ACTR1A: variants seen among roughly 807,000 people sequenced by gnomAD.
ACTR1A encodes the protein alpha-centractin.
ACTR1A carries 10 observed loss-of-function variants against 50.7 expected under a neutral mutation model. The observed-to-expected ratio is 0.20, with a 90% CI of 0.12 to 0.33. ACTR1A has a LOEUF of 0.33. ACTR1A is among the 10% of genes least tolerant of loss of function. ACTR1A has a pLI of 1.00. For missense variants in ACTR1A, 253 were observed against 491.7 expected (o/e 0.51, Z 4.59); for synonymous variants, 177 against 184.2 (o/e 0.96, Z 0.32).
intron 4 of ACTR1A, among the ~76,000 whole-genome samples, chr10:102,486,314 A>AC (rs2062167840): frequency 6.6e-6 from 1 of 151,680 alleles, no homozygotes. Context: ...GCCACCCCAA[A>AC]CCCCCACCCC....
At position 102,487,847 on chromosome 10, in the gene ACTR1A, G is replaced by C. The variant is rs571067734; in HGVS notation, c.315+303C>G. 1.1e-4 allele frequency among the ~76,000 whole-genome samples: 16 copies of C among 152,074 alleles called. No homozygotes were observed. The South Asian group carries it at 2.3e-3, about 22-fold the overall frequency. ...AGGGTTTCACCGTGTTAGCCAGGAT[G>C]GTCTCGATCTCCTGACCTCGTGATC... On this transcript the variant is annotated intron_variant, in intron 4 of 10. Coordinates refer to ENST00000369905, the MANE Select transcript of ACTR1A (RefSeq NM_005736.4).
chr10:102,486,487 C>G (rs150032145), intron 4 of ACTR1A, among the ~76,000 whole-genome samples: 2,602 of 152,074 alleles, frequency 0.017, 63 homozygotes, highest in African/African-American at 0.059. Context: ...GTCGGGAGTT[C>G]GAGACCAGCC....
chr10:102,492,545 G>A (rs73336642), intron 1 of ACTR1A, among the ~76,000 whole-genome samples: 1 of 152,216 alleles, frequency 6.6e-6, no homozygotes, highest in Admixed American at 6.5e-5. Context: ...GAACACACCT[G>A]GAGACTCTAA....
chr10:102,499,906 AGTCATTCATCCAATCACCCAT>A (rs1240927522), intron 1 of ACTR1A, among the ~76,000 whole-genome samples: 2 of 152,240 alleles, frequency 1.3e-5, no homozygotes, highest in African/African-American at 4.8e-5. Flanking sequence ...AGAGATATTC[AGTCATTCATCCAATCACCCAT>A]CAATCCAATG....
intron 1 of ACTR1A, among the ~76,000 whole-genome samples, chr10:102,497,224 T>C (rs1340042678): frequency 6.7e-6 from 1 of 148,684 alleles, no homozygotes; most frequent in Non-Finnish European, 1.5e-5. Context: ...GGCAGGAATG[T>C]AGTTGAAAAG....
chr10:102,479,418 G>T lies in ACTR1A; in HGVS notation c.*1445C>A. The T allele has an allele frequency of 2.6e-6, 1 of 379,650 alleles. No homozygotes were observed. 23.5% of individuals were successfully genotyped at this position (379,650 alleles called of 1,614,324 possible). On this transcript the variant is annotated 3_prime_UTR_variant, in exon 11 of 11. Coordinates refer to ENST00000369905, the MANE Select transcript of ACTR1A (RefSeq NM_005736.4). This position sits in a 1 kb window ranked among gnomAD's most constrained non-coding sequence, Gnocchi z 4.0. ...CTGCTGTGGCCCACACCTGGCAGGG[G>T]CCTTTGGTCATAGGACGGCGTGGGG...
chr10:102,482,378 C>G lies in ACTR1A; in HGVS notation c.751-203G>C. On this transcript the variant is annotated intron_variant, in intron 7 of 10. Transcript: ENST00000369905. The surrounding 1 kb of genome is among the most constrained non-coding windows in gnomAD (Gnocchi z 5.6). ...TAGTGAGGGGAGGCTCCTATATTTC[C>G]TTCTCGCTCTGGCATTTTCCAGCCA... is the stretch of plus-strand genomic sequence containing the variant. The G allele has an allele frequency of 1.7e-6, 1 of 592,952 alleles. No homozygotes were observed. Among genetic ancestry groups the G allele is most frequent in the South Asian group, 2.1e-5 (1 of 48,202 alleles). 36.7% of individuals were successfully genotyped at this position (592,952 alleles called of 1,614,324 possible).
Position 102,479,769 on chromosome 10 carries a change from C to T in ACTR1A, c.*1094G>A. The T allele has an allele frequency of 1.0e-6, 1 of 991,488 alleles. No homozygotes were observed. Among genetic ancestry groups the T allele is most frequent in the Non-Finnish European group, 1.4e-6 (1 of 740,694 alleles). 61.4% of individuals were successfully genotyped at this position (991,488 alleles called of 1,614,324 possible). A position where few individuals can be genotyped will look rare whatever the true frequency, so the allele number is the denominator to read the frequency against. ...CTCCAGTCTTAAGGGCACTGGCTCT[C>T]CAACACCCCTCCCTTGCTTAGGGGC... On this transcript the variant is annotated 3_prime_UTR_variant, in exon 11 of 11. Coordinates refer to ENST00000369905, the MANE Select transcript of ACTR1A (RefSeq NM_005736.4). This position sits in a 1 kb window ranked among gnomAD's most constrained non-coding sequence, Gnocchi z 4.0.
intron 6 of ACTR1A, 80 bp from the exon 7 acceptor site, chr10:102,483,183 GCTGCACAAAC>G: frequency 9.2e-7 from 1 of 1,087,154 alleles, no homozygotes; most frequent in Non-Finnish European, 1.4e-6. Context: ...GGAATGTGCT[GCTGCACAAAC>G]CTGTCTAAAC....
At position 102,482,706 on chromosome 10, in the gene ACTR1A, C is replaced by T. The variant is rs895154200; in HGVS notation, c.750+305G>A. On this transcript the variant is annotated intron_variant, in intron 7 of 10. Transcript: ENST00000369905. This position sits in a 1 kb window ranked among gnomAD's most constrained non-coding sequence, Gnocchi z 5.6. ...CTGGGGTGTCCAGTCTTTTGGCTTCCCTGGGCCACATTGGAAGAAGAATTG... is the reference window on the plus strand; with the variant it reads ...CTGGGGTGTCCAGTCTTTTGGCTTCTCTGGGCCACATTGGAAGAAGAATTG... 2.5e-5 allele frequency: 9 copies of T among 357,478 alleles called. No individual in the cohort carries two copies. The highest frequency in any genetic ancestry group is 4.6e-5 in the Non-Finnish European group (9 of 194,276). The allele number at this position is 357,478 out of a possible 1,614,324, so 22.1% of individuals were successfully genotyped here.
At chr10:102,483,277 T>C (rs2062152451) in intron 6 of ACTR1A, 174 bp from the exon 7 acceptor site, 5 of 610,466 alleles carry the variant, frequency 8.2e-6, no homozygotes, top group Non-Finnish European at 1.5e-5. Context: ...TGGCCTTCAC[T>C]GGGTGGCATT....
chr10:102,499,150 A>G (rs2062235896), intron 1 of ACTR1A, among the ~76,000 whole-genome samples: 2 of 152,140 alleles, frequency 1.3e-5, no homozygotes, highest in African/African-American at 2.4e-5. Flanking sequence ...TTTTGATTAT[A>G]CTCTTCTGCC....
chr10:102,494,267 C>T (rs535501296), intron 1 of ACTR1A, among the ~76,000 whole-genome samples: 137 of 152,212 alleles, frequency 9.0e-4, no homozygotes, highest in African/African-American at 2.8e-3. Context: ...GGCCGAGGCA[C>T]GCAAATCACT....
In ACTR1A at chr10:102,482,455, C is replaced by A; in HGVS notation, c.751-280G>T. ...TTTATTTGCTCATGGAAACGTCTTCCTAGCAATGGGGGTTCAAGGGAGTGG... is the reference window on the plus strand; with the variant it reads ...TTTATTTGCTCATGGAAACGTCTTCATAGCAATGGGGGTTCAAGGGAGTGG... On this transcript the variant is annotated intron_variant, in intron 7 of 10. Transcript: ENST00000369905. The surrounding 1 kb of genome is among the most constrained non-coding windows in gnomAD (Gnocchi z 5.6). The A allele has an allele frequency of 2.1e-6, 1 of 472,524 alleles. No homozygotes were observed. The highest frequency in any genetic ancestry group is 1.9e-5 in the African/African-American group (1 of 51,308). 29.3% of individuals were successfully genotyped at this position (472,524 alleles called of 1,614,324 possible).
At position 102,480,794 on chromosome 10, in the gene ACTR1A, C is replaced by G; in HGVS notation, c.*69G>C. ...ACACACAGGCAGTTCCTCGCAAACACTCCGACTCAAGAAAGCGAGTTTTAA... is the reference window on the plus strand; with the variant it reads ...ACACACAGGCAGTTCCTCGCAAACAGTCCGACTCAAGAAAGCGAGTTTTAA... On this transcript the variant is annotated 3_prime_UTR_variant, in exon 11 of 11. Transcript: ENST00000369905. 1 of 1,312,928 alleles carries G rather than the reference C, an allele frequency of 7.6e-7. No individual in the cohort carries two copies. Among genetic ancestry groups the G allele is most frequent in the South Asian group, 1.2e-5 (1 of 84,870 alleles). 81.3% of individuals were successfully genotyped at this position (1,312,928 alleles called of 1,614,324 possible).
At chr10:102,494,643 C>A (rs2062211208) in intron 1 of ACTR1A, among the ~76,000 whole-genome samples, 1 of 151,040 alleles carries the variant, frequency 6.6e-6, no homozygotes. Flanking sequence ...TCAAAACCAA[C>A]CAACCAACCA....
intron 1 of ACTR1A, among the ~76,000 whole-genome samples, chr10:102,500,257 A>C (rs2062242007): frequency 6.6e-6 from 1 of 152,090 alleles, no homozygotes; most frequent in Non-Finnish European, 1.5e-5. Flanking sequence ...AATATGGTGA[A>C]ACCCCATCTC....
intron 1 of ACTR1A, among the ~76,000 whole-genome samples, chr10:102,500,743 C>T (rs1288445028): frequency 6.6e-6 from 1 of 151,462 alleles, no homozygotes; most frequent in South Asian, 2.1e-4. Flanking sequence ...GGTGACAAAG[C>T]GAGATCCTGT....
chr10:102,480,708 AGGGTCCCAG>A lies in ACTR1A; in HGVS notation c.*146_*154del. ...GTAGTTCATCGTCCTTTCTGGGCCCAGGGTCCCAGGGCCACACGGCACTCGCATGTGCAC... is the reference window on the plus strand; with the variant it reads ...GTAGTTCATCGTCCTTTCTGGGCCCAGGCCACACGGCACTCGCATGTGCAC... On this transcript the variant is annotated 3_prime_UTR_variant, in exon 11 of 11. Transcript: ENST00000369905. 1 of 679,068 alleles carries A rather than the reference AGGGTCCCAG, an allele frequency of 1.5e-6. No individual in the cohort carries two copies. The highest frequency in any genetic ancestry group is 2.6e-5 in the East Asian group (1 of 38,266). 42.1% of individuals were successfully genotyped at this position (679,068 alleles called of 1,614,324 possible).
Sources: gnomAD v4.1 joint callset for allele counts (sites outside exome capture counted in the v4.1 genomes callset) on GRCh38, gnomAD v4.1.1 for gene constraint, Gnocchi (gnomAD v3.1) non-coding constraint, MANE v1.5 for transcripts, NCBI Gene and HGNC (gene_info 2026-07-23, HGNC 2026-07-21) for gene names.